Variants in EXOC4 observed in about 807,000 individuals in gnomAD.
The protein encoded by EXOC4 is exocyst complex component 4.
EXOC4 carries 71 observed loss-of-function variants against 107.2 expected under a neutral mutation model. The observed-to-expected ratio is 0.66, with a 90% CI of 0.55 to 0.81. EXOC4 has a LOEUF of 0.81. EXOC4 is among the 30% of genes least tolerant of loss of function. The pLI is 0.00. For synonymous variants in EXOC4, 456 were observed against 441.2 expected (o/e 1.03, Z -0.42); for missense variants, 1,108 against 1,189.6 (o/e 0.93, Z 1.01).
the EXOC4 span, among the ~76,000 whole-genome samples, chr7:134,094,960 G>T: frequency 3.9e-5 from 6 of 151,976 alleles, no homozygotes; most frequent in Non-Finnish European, 7.4e-5. Flanking sequence ...CCAAGCCACA[G>T]CAATCAAGCA....
chr7:133,309,683 T>A (rs1351178519), intron 4 of EXOC4, among the ~76,000 whole-genome samples: 1 of 152,198 alleles, frequency 6.6e-6, no homozygotes, highest in Non-Finnish European at 1.5e-5. Context: ...CTCACGCCTG[T>A]AATCCCAGCA....
chr7:133,274,843 GT>G (rs1793951336), intron 1 of EXOC4, 138 bp from the exon 2 acceptor site: 1 of 735,704 alleles, frequency 1.4e-6, no homozygotes, highest in African/African-American at 1.8e-5. Flanking sequence ...TGTGTTTTCT[GT>G]TTGTAACTTA....
rs571892246 is a variant in EXOC4 at position 133,294,982 on chromosome 7, G to C, written c.471+5866G>C. On this transcript the variant is annotated intron_variant, in intron 3 of 17. Transcript: ENST00000253861. ...GTTAAGAATAATATGTATCTCCAAGGGTTGTCGAATGGATTAAGTGAGATA... is the reference window on the plus strand; with the variant it reads ...GTTAAGAATAATATGTATCTCCAAGCGTTGTCGAATGGATTAAGTGAGATA... Among the ~76,000 whole-genome samples, 15 of 152,124 alleles carry C rather than the reference G, an allele frequency of 9.9e-5. No individual in the cohort carries two copies. The East Asian group carries it at 2.7e-3, about 27-fold the overall frequency.
At chr7:133,670,559 C>G (rs1793923644) in intron 10 of EXOC4, among the ~76,000 whole-genome samples, 1 of 151,024 alleles carries the variant, frequency 6.6e-6, no homozygotes, top group Admixed American at 6.6e-5. Flanking sequence ...GCATGAGCCT[C>G]CAGAAACTCT....
intron 5 of EXOC4, among the ~76,000 whole-genome samples, chr7:133,332,577 T>TA (rs1384309213): frequency 2.0e-5 from 3 of 152,224 alleles, no homozygotes; most frequent in African/African-American, 7.2e-5. Context: ...ATCTTGTATC[T>TA]ACCAATTTTG....
intron 11 of EXOC4, among the ~76,000 whole-genome samples, chr7:133,862,531 T>C (rs546037484): frequency 6.6e-6 from 1 of 152,106 alleles, no homozygotes; most frequent in Non-Finnish European, 1.5e-5. Context: ...CTTCATTAAT[T>C]AAGGCATTTA....
chr7:133,324,808 G>T (rs1795199138), intron 5 of EXOC4, among the ~76,000 whole-genome samples: 1 of 152,074 alleles, frequency 6.6e-6, no homozygotes, highest in South Asian at 2.1e-4. Context: ...TTGACAGTGG[G>T]GTGTTAAAGT....
intron 11 of EXOC4, among the ~76,000 whole-genome samples, chr7:133,832,536 T>G (rs1797831873): frequency 1.3e-5 from 2 of 152,224 alleles, no homozygotes; most frequent in African/African-American, 4.8e-5. Flanking sequence ...CCAGAATTTG[T>G]ATCATTGGAA....
At chr7:133,349,657 C>A (rs1795864132) in intron 5 of EXOC4, among the ~76,000 whole-genome samples, 1 of 152,082 alleles carries the variant, frequency 6.6e-6, no homozygotes, top group South Asian at 2.1e-4. Flanking sequence ...CTCTTCAAGA[C>A]CCTGCCTGCA....
chr7:133,914,027 C>T (rs1487334806), intron 12 of EXOC4, among the ~76,000 whole-genome samples: 6 of 151,958 alleles, frequency 3.9e-5, no homozygotes, highest in East Asian at 3.9e-4. Flanking sequence ...TCAAAGAGTG[C>T]GAAGAATAAA....
intron 11 of EXOC4, among the ~76,000 whole-genome samples, chr7:133,875,329 A>G (rs2116415588): frequency 6.6e-6 from 1 of 152,262 alleles, no homozygotes; most frequent in South Asian, 2.1e-4. Flanking sequence ...AGGCGTGGAA[A>G]CCTATGCTAA....
At chr7:133,624,885 G>A (rs1427488316) in intron 9 of EXOC4, among the ~76,000 whole-genome samples, 12 of 139,052 alleles carry the variant, frequency 8.6e-5, no homozygotes, top group Admixed American at 4.6e-4. Flanking sequence ...GAGCCACCGC[G>A]CCCAGCCTGA....
chr7:133,985,120 T>C (rs1216405601), intron 14 of EXOC4, among the ~76,000 whole-genome samples: 2 of 152,156 alleles, frequency 1.3e-5, no homozygotes, highest in African/African-American at 4.8e-5. Context: ...GTTAGGGTAA[T>C]ATAAGATATT....
intron 9 of EXOC4, among the ~76,000 whole-genome samples, chr7:133,487,410 A>T (rs1363744619): frequency 1.3e-5 from 2 of 152,184 alleles, no homozygotes; most frequent in Non-Finnish European, 2.9e-5. Flanking sequence ...ATGGTTTTTT[A>T]AAAAAGCCAA....
chr7:133,578,105 T>C (rs758533771), intron 9 of EXOC4, among the ~76,000 whole-genome samples: 39 of 152,320 alleles, frequency 2.6e-4, no homozygotes, highest in Admixed American at 5.2e-4. Flanking sequence ...TATTATTGTC[T>C]TAATTTGTTG....
At chr7:133,442,921 G>A (rs148856998) in intron 7 of EXOC4, among the ~76,000 whole-genome samples, 5 of 152,198 alleles carry the variant, frequency 3.3e-5, no homozygotes, top group Admixed American at 1.3e-4. Flanking sequence ...TAGGAGGCTT[G>A]TACTGAAGGT....
intron 14 of EXOC4, among the ~76,000 whole-genome samples, chr7:133,987,128 T>C (rs1794133203): frequency 6.6e-6 from 1 of 152,156 alleles, no homozygotes; most frequent in Admixed American, 6.5e-5. Flanking sequence ...GAAGGTACTA[T>C]TAATAGTTTT....
chr7:133,557,922 C>T (rs1490886534), intron 9 of EXOC4, among the ~76,000 whole-genome samples: 17 of 152,190 alleles, frequency 1.1e-4, no homozygotes, highest in South Asian at 2.1e-4. Context: ...ACCCGGGAGG[C>T]GGAGGTTGCA....
chr7:133,847,456 G>T (rs1429814419), intron 11 of EXOC4, among the ~76,000 whole-genome samples: 2 of 149,906 alleles, frequency 1.3e-5, no homozygotes, highest in Non-Finnish European at 3.0e-5. Flanking sequence ...TCTGCTGACT[G>T]CAACTTCCAC....
Sources: gnomAD v4.1 joint callset for allele counts (sites outside exome capture counted in the v4.1 genomes callset) on GRCh38, gnomAD v4.1.1 for gene constraint, MANE v1.5 for transcripts, NCBI Gene and HGNC (gene_info 2026-07-23, HGNC 2026-07-21) for gene names.